The following PMS1 variants were observed in gnomAD, a reference collection of about 807,000 sequenced individuals.
The protein encoded by PMS1 is PMS1 homolog 1, mismatch repair system component, also known as PMS1 protein homolog 1.
A neutral mutation model predicts 93.1 loss-of-function variants in PMS1; 79 were observed. That is an observed-to-expected ratio of 0.85 (90% CI 0.71 to 1.02). The LOEUF (loss-of-function observed/expected upper bound fraction) is 1.02. PMS1 is among the 50% of genes least tolerant of loss of function. PMS1 has a pLI of 0.00. For missense variants in PMS1, 1,064 were observed against 1,085.3 expected (o/e 0.98, Z 0.28); for synonymous variants, 335 against 363.4 (o/e 0.92, Z 0.89).
intron 6 of PMS1, among the ~76,000 whole-genome samples, chr2:189,852,445 A>G (rs536025026): frequency 6.6e-6 from 1 of 152,230 alleles, no homozygotes; most frequent in Non-Finnish European, 1.5e-5. Context: ...AGAGTTGCCA[A>G]CAAAAAGAGG....
Position 189,795,899 on chromosome 2 carries a change from C to T in PMS1, c.263C>T (p.Thr88Ile). 1.2e-6 allele frequency: 2 copies of T among 1,613,482 alleles called. No individual in the cohort carries two copies. Among genetic ancestry groups the T allele is most frequent in the South Asian group, 1.1e-5 (1 of 91,074 alleles). The change falls in exon 3 of 13, where the codon ACA (threonine) becomes ATA (isoleucine). Residue 88 changes from threonine to isoleucine, a missense_variant. By Grantham distance (89) the Thr-to-Ile change is moderately conservative. Coordinates refer to ENST00000441310, the MANE Select transcript of PMS1 (RefSeq NM_000534.5). ...INSHEDLENLTTYGFRGEALG... is the reference protein window; with the variant it reads ...INSHEDLENLITYGFRGEALG... ...AGTCATGAAGATCTTGAAAATTTGA[C>T]AACTTACGGTTTTCGTGGAGAAGCC...
chr2:189,790,038 A>G (rs1332230915), intron 1 of PMS1, among the ~76,000 whole-genome samples: 2 of 152,224 alleles, frequency 1.3e-5, no homozygotes, highest in African/African-American at 4.8e-5. Flanking sequence ...GGTTGGATCT[A>G]TAAAGGACCT....
rs2056800597 is a variant in PMS1, at chr2:189,867,901, G to A, written c.2445G>A (p.Ala815=). ...STYLSDPRLT[A]NGFKIKLIPG... The stretch of plus-strand genomic sequence containing the variant: ...ACCTGTCTGATCCTCGTCTTACAGC[G>A]AATGGTTTCAAGATAAAATTGATAC... The change falls in exon 11 of 13, where the codon GCG becomes GCA. Residue 815 remains alanine, a synonymous_variant. Transcript: ENST00000441310. The A allele has an allele frequency of 5.6e-6, 9 of 1,610,490 alleles. No individual in the cohort carries two copies. Among genetic ancestry groups the A allele is most frequent in the South Asian group, 4.4e-5 (4 of 91,002 alleles).
At chr2:189,806,473 C>G (rs1227229385) in intron 4 of PMS1, 1 of 284,696 alleles carries the variant, frequency 3.5e-6, no homozygotes, top group South Asian at 3.8e-5. Context: ...TCTTGGTTCA[C>G]TGCAACCTCT....
intron 4 of PMS1, among the ~76,000 whole-genome samples, chr2:189,815,670 G>A (rs551963562): frequency 6.6e-6 from 1 of 152,146 alleles, no homozygotes; most frequent in Admixed American, 6.5e-5. Flanking sequence ...CCTATTCCAG[G>A]GTAATATCTT....
At chr2:189,827,872 G>A (rs1044483278) in intron 5 of PMS1, among the ~76,000 whole-genome samples, 6 of 151,894 alleles carry the variant, frequency 4.0e-5, no homozygotes, top group Non-Finnish European at 7.4e-5. Context: ...AAACTGGAGG[G>A]GTTGGTCCAT....
intron 2 of PMS1, among the ~76,000 whole-genome samples, chr2:189,792,778 A>G (rs908639729): frequency 6.8e-6 from 1 of 147,668 alleles, no homozygotes; most frequent in Non-Finnish European, 1.5e-5. Flanking sequence ...CTTAACTACT[A>G]CTATACCCAT....
At chr2:189,799,368 G>A (rs2049667808) in intron 3 of PMS1, among the ~76,000 whole-genome samples, 1 of 152,028 alleles carries the variant, frequency 6.6e-6, no homozygotes, top group South Asian at 2.1e-4. Context: ...ACAACACAAT[G>A]AATTTTTACA....
chr2:189,848,594 T>C (rs1291325401), intron 6 of PMS1, among the ~76,000 whole-genome samples: 1 of 152,222 alleles, frequency 6.6e-6, no homozygotes, highest in African/African-American at 2.4e-5. Context: ...TAATCCATCA[T>C]AGATATGAGA....
At chr2:189,841,139 GTTCCATGACCTACTATTTTTGT>G (rs796298802) in intron 5 of PMS1, among the ~76,000 whole-genome samples, 7 of 152,208 alleles carry the variant, frequency 4.6e-5, no homozygotes, top group African/African-American at 1.4e-4. Context: ...ATAGATCTTG[GTTCCATGACCTACTATTTTTGT>G]TTCTTTGGGT....
At chr2:189,847,677 C>T (rs2054364674) in intron 6 of PMS1, among the ~76,000 whole-genome samples, 1 of 152,072 alleles carries the variant, frequency 6.6e-6, no homozygotes, top group Non-Finnish European at 1.5e-5. Context: ...TTGTCTTTCT[C>T]CATGAATAGG....
At chr2:189,831,962 C>T (rs5743071) in intron 5 of PMS1, among the ~76,000 whole-genome samples, 4,992 of 151,984 alleles carry the variant, frequency 0.033, 279 homozygotes, top group African/African-American at 0.11. Context: ...AACTCCTGAC[C>T]GCAAATGATC....
At chr2:189,831,195 A>G (rs2052900246) in intron 5 of PMS1, among the ~76,000 whole-genome samples, 1 of 152,218 alleles carries the variant, frequency 6.6e-6, no homozygotes, top group Non-Finnish European at 1.5e-5. Context: ...GTTGGTATTT[A>G]ATATGAGAGA....
intron 10 of PMS1, among the ~76,000 whole-genome samples, chr2:189,864,753 G>A (rs1247378014): frequency 2.0e-5 from 2 of 99,634 alleles, no homozygotes; most frequent in African/African-American, 7.5e-5. Flanking sequence ...AATCTTTAAT[G>A]GAATTGTTTA....
intron 9 of PMS1, among the ~76,000 whole-genome samples, chr2:189,859,799 T>C (rs1347177222): frequency 1.1e-4 from 16 of 152,194 alleles, no homozygotes; most frequent in Admixed American, 1.3e-4. Context: ...AATTTGTCTT[T>C]TCATTGATGA....
At chr2:189,786,789 C>T (rs562536851) in intron 1 of PMS1, among the ~76,000 whole-genome samples, 81 of 152,308 alleles carry the variant, frequency 5.3e-4, no homozygotes, top group African/African-American at 1.8e-3. Context: ...TGGTGGCTCA[C>T]GCCTGTAATC....
chr2:189,863,167 A>G (rs1406798949), intron 9 of PMS1, among the ~76,000 whole-genome samples: 1 of 151,452 alleles, frequency 6.6e-6, no homozygotes, highest in African/African-American at 2.4e-5. Flanking sequence ...GCTGTTCTTC[A>G]GTGCCTACTT....
intron 5 of PMS1, among the ~76,000 whole-genome samples, chr2:189,830,267 C>T (rs1013763968): frequency 6.6e-6 from 1 of 152,138 alleles, no homozygotes; most frequent in Non-Finnish European, 1.5e-5. Flanking sequence ...GCCTCCTTTA[C>T]CTCTGATTTC....
chr2:189,807,939 T>G (rs2050490779), intron 4 of PMS1, among the ~76,000 whole-genome samples: 1 of 152,196 alleles, frequency 6.6e-6, no homozygotes, highest in African/African-American at 2.4e-5. Flanking sequence ...AAAGTTAAAG[T>G]CTTAATTTTA....
Sources: allele counts gnomAD v4.1 joint callset (sites outside exome capture counted in the v4.1 genomes callset), GRCh38; gene constraint gnomAD v4.1.1; transcripts MANE v1.5; gene names NCBI Gene and HGNC (gene_info 2026-07-23, HGNC 2026-07-21).